The following NCAM2 variants were observed in gnomAD, a reference collection of about 807,000 sequenced individuals.
NCAM2 encodes the protein N-CAM-2.
In NCAM2, 30 loss-of-function variants were observed where a neutral mutation model predicts 98.1. The observed-to-expected ratio is 0.31, with a 90% CI of 0.23 to 0.41. The LOEUF (loss-of-function observed/expected upper bound fraction) is 0.41, where lower values mean the gene tolerates loss of function less well. Ranked by LOEUF, NCAM2 falls within the 10% of genes least tolerant of loss-of-function variation. NCAM2 has a pLI of 1.00. For synonymous variants in NCAM2, 368 were observed against 342.4 expected (o/e 1.07, Z -0.83); for missense variants, 867 against 1,005.8 (o/e 0.86, Z 1.87).
chr21:21,137,199 C>T (rs900681420), intron 1 of NCAM2, among the ~76,000 whole-genome samples: 1 of 151,738 alleles, frequency 6.6e-6, no homozygotes, highest in East Asian at 1.9e-4. Flanking sequence ...CACATGGTGC[C>T]GATATTGTCA....
chr21:21,408,553 G>T (rs1425504711), intron 9 of NCAM2, among the ~76,000 whole-genome samples: 1 of 151,934 alleles, frequency 6.6e-6, no homozygotes, highest in Non-Finnish European at 1.5e-5. Context: ...TAGATGATAG[G>T]ATTCACAGCA....
At chr21:21,011,722 A>G (rs1451959769) in intron 1 of NCAM2, among the ~76,000 whole-genome samples, 2 of 152,100 alleles carry the variant, frequency 1.3e-5, no homozygotes, top group African/African-American at 4.8e-5. Context: ...ATATATTTGT[A>G]AACTATACCT....
chr21:21,482,635 G>T (rs1007111427), intron 15 of NCAM2, among the ~76,000 whole-genome samples: 3 of 151,466 alleles, frequency 2.0e-5, no homozygotes, highest in Non-Finnish European at 4.4e-5. Flanking sequence ...CTATTTTTTC[G>T]TTTTTTATCA....
intron 12 of NCAM2, among the ~76,000 whole-genome samples, chr21:21,446,972 C>G (rs1198826261): frequency 1.3e-5 from 2 of 152,132 alleles, no homozygotes; most frequent in Non-Finnish European, 2.9e-5. Context: ...AATGTCCATA[C>G]TGCCCGAAGT....
intron 1 of NCAM2, among the ~76,000 whole-genome samples, chr21:21,162,401 A>G (rs530424288): frequency 6.6e-6 from 1 of 152,266 alleles, no homozygotes; most frequent in Admixed American, 6.5e-5. Flanking sequence ...AAACATAAAG[A>G]TGAATGTTTG....
chr21:21,060,458 G>A (rs2065298986), intron 1 of NCAM2, among the ~76,000 whole-genome samples: 1 of 152,054 alleles, frequency 6.6e-6, no homozygotes, highest in Admixed American at 6.6e-5. Context: ...GTGGATATAT[G>A]TTTAATTTTC....
intron 1 of NCAM2, among the ~76,000 whole-genome samples, chr21:21,122,903 G>A (rs1449822304): frequency 6.6e-6 from 1 of 152,176 alleles, no homozygotes; most frequent in Non-Finnish European, 1.5e-5. Flanking sequence ...ATCTATTGCA[G>A]TCTCGTGTAC....
chr21:21,027,916 G>C (rs955250205), intron 1 of NCAM2, among the ~76,000 whole-genome samples: 12 of 151,502 alleles, frequency 7.9e-5, no homozygotes, highest in African/African-American at 2.9e-4. Flanking sequence ...GAGTGCGGTG[G>C]CACGATCTCG....
At chr21:21,289,169 A>G (rs1444357) in intron 4 of NCAM2, among the ~76,000 whole-genome samples, 2,426 of 151,992 alleles carry the variant, frequency 0.016, 72 homozygotes, top group African/African-American at 0.056. Context: ...AACTGATTAA[A>G]ATTACCTTGT....
At chr21:21,073,740 C>T (rs2065621695) in intron 1 of NCAM2, among the ~76,000 whole-genome samples, 2 of 152,298 alleles carry the variant, frequency 1.3e-5, no homozygotes, top group South Asian at 2.1e-4. Context: ...ATTGTCCAGT[C>T]CAGTTTTAGA....
At position 21,025,380 on chromosome 21, in the gene NCAM2, C is replaced by T. The variant is rs139297430; in HGVS notation, c.55+26762C>T. Among the ~76,000 whole-genome samples, 33 of 152,246 alleles carry T rather than the reference C, an allele frequency of 2.2e-4. No homozygotes were observed. In the East Asian group the frequency reaches 5.6e-3, roughly 26 times the overall value. ...GATTACAGGCGAGAGCCACTGCGCC[C>T]GGCCATTTTTAAATGATGTTCTATC... On this transcript the variant is annotated intron_variant, in intron 1 of 17. Coordinates refer to ENST00000400546, the MANE Select transcript of NCAM2 (RefSeq NM_004540.5).
intron 1 of NCAM2, among the ~76,000 whole-genome samples, chr21:21,162,677 C>T (rs571944724): frequency 6.6e-6 from 1 of 152,138 alleles, no homozygotes; most frequent in East Asian, 1.9e-4. Flanking sequence ...GACATATGTA[C>T]TTAAATGATT....
chr21:21,516,981 G>A (rs920245878), intron 16 of NCAM2, among the ~76,000 whole-genome samples: 1 of 152,090 alleles, frequency 6.6e-6, no homozygotes, highest in African/African-American at 2.4e-5. Flanking sequence ...CCAAATAAAT[G>A]TCTGCGTCTG....
chr21:21,249,021 G>A lies in NCAM2; in HGVS notation c.56-31557G>A, dbSNP rs1028879957. ...ATCTTGAAGGTCAGATAATGCTAAT[G>A]TTTGAGAAATGCATTTTTTATCCCT... On this transcript the variant is annotated intron_variant, in intron 1 of 17. Transcript: ENST00000400546. 2.4e-4 allele frequency among the ~76,000 whole-genome samples: 37 copies of A among 152,066 alleles called. 1 individual carries two copies. Among genetic ancestry groups the A allele is most frequent in the Admixed American group, 2.4e-3 (37 of 15,264 alleles).
At chr21:21,392,149 T>C (rs2076395422) in intron 9 of NCAM2, among the ~76,000 whole-genome samples, 1 of 152,208 alleles carries the variant, frequency 6.6e-6, no homozygotes, top group African/African-American at 2.4e-5. Context: ...CCCCTGTATG[T>C]GTCCATGTAT....
intron 15 of NCAM2, among the ~76,000 whole-genome samples, chr21:21,504,517 G>T (rs537872954): frequency 6.6e-6 from 1 of 151,794 alleles, no homozygotes; most frequent in African/African-American, 2.4e-5. Context: ...AGTAGTGCCC[G>T]AATCTTAATG....
At chr21:21,099,611 G>C (rs907876898) in intron 1 of NCAM2, among the ~76,000 whole-genome samples, 1 of 151,848 alleles carries the variant, frequency 6.6e-6, no homozygotes, top group African/African-American at 2.4e-5. Flanking sequence ...CCTCTCACAG[G>C]CTCCCTTCCA....
At chr21:21,220,776 C>A (rs1160071848) in intron 1 of NCAM2, among the ~76,000 whole-genome samples, 1 of 152,058 alleles carries the variant, frequency 6.6e-6, no homozygotes, top group Non-Finnish European at 1.5e-5. Context: ...TGGGGTGGGG[C>A]CTTAGATTCT....
intron 11 of NCAM2, among the ~76,000 whole-genome samples, chr21:21,429,153 CAGTA>C (rs1161599532): frequency 6.6e-6 from 1 of 152,110 alleles, no homozygotes; most frequent in Admixed American, 6.5e-5. Flanking sequence ...AAAAAGGCTA[CAGTA>C]AGTGTCAGCA....
Sources: gnomAD v4.1 joint callset for allele counts (sites outside exome capture counted in the v4.1 genomes callset) on GRCh38, gnomAD v4.1.1 for gene constraint, MANE v1.5 for transcripts, NCBI Gene and HGNC (gene_info 2026-07-23, HGNC 2026-07-21) for gene names.